STRBP: variants seen among roughly 807,000 people sequenced by gnomAD.
The protein encoded by STRBP is spermatid perinuclear RNA-binding protein.
A neutral mutation model predicts 80.1 loss-of-function variants in STRBP; 13 were observed. That is an observed-to-expected ratio of 0.16 (90% confidence interval 0.11 to 0.26). The LOEUF (loss-of-function observed/expected upper bound fraction) is 0.26. Among genes scored for constraint, STRBP ranks in the 10% least tolerant of loss-of-function variants. STRBP has a pLI of 1.00. For synonymous variants in STRBP, 284 were observed against 291.2 expected (o/e 0.98, Z 0.25); for missense variants, 485 against 815.2 (o/e 0.59, Z 4.93).
chr9:123,219,986 T>A (rs2040018018), intron 2 of STRBP, among the ~76,000 whole-genome samples: 1 of 152,080 alleles, frequency 6.6e-6, no homozygotes, highest in African/African-American at 2.4e-5. Flanking sequence ...TGCAAACAAA[T>A]GAACTTTCTG....
At chr9:123,215,767 A>G (rs2039876194) in intron 2 of STRBP, among the ~76,000 whole-genome samples, 1 of 152,214 alleles carries the variant, frequency 6.6e-6, no homozygotes, top group African/African-American at 2.4e-5. Flanking sequence ...CTGGGAGACA[A>G]GAGCGAAACT....
chr9:123,244,519 C>T (rs2040760752), intron 1 of STRBP, among the ~76,000 whole-genome samples: 1 of 152,082 alleles, frequency 6.6e-6, no homozygotes, highest in Admixed American at 6.6e-5. Flanking sequence ...ACCATGGTAA[C>T]AGATGTTAAT....
chr9:123,145,224 T>C (rs112303743), intron 13 of STRBP, among the ~76,000 whole-genome samples: 147 of 152,212 alleles, frequency 9.7e-4, no homozygotes, highest in African/African-American at 3.4e-3. Context: ...GAGCTTAACT[T>C]AATCCCAAGC....
In STRBP at chr9:123,124,573, T is replaced by C; in HGVS notation, c.*1024A>G. 2.0e-6 allele frequency: 2 copies of C among 985,402 alleles called. No individual in the cohort carries two copies. Among genetic ancestry groups the C allele is most frequent in the Non-Finnish European group, 2.4e-6 (2 of 829,924 alleles). 61.0% of individuals were successfully genotyped at this position (985,402 alleles called of 1,614,324 possible). On this transcript the variant is annotated 3_prime_UTR_variant, in exon 19 of 19. Transcript: ENST00000348403. ...ATGGGGACCCTGTTGCTGCTTTAGA[T>C]TCTGATGTAATTGAAGAGGAAAGGA...
At position 123,125,451 on chromosome 9, in the gene STRBP, G is replaced by A. The variant is rs2035856932; in HGVS notation, c.*146C>T. ...GTTTTAGAGAACTAAATTTGCATTT[G>A]TTAAAATCAAAAAGTAGGAAAGATG... is the stretch of plus-strand genomic sequence containing the variant. On this transcript the variant is annotated 3_prime_UTR_variant, in exon 19 of 19. Coordinates refer to ENST00000348403, the MANE Select transcript of STRBP (RefSeq NM_018387.5). The A allele has an allele frequency of 8.1e-7, 1 of 1,241,102 alleles. No individual in the cohort carries two copies. Among genetic ancestry groups the A allele is most frequent in the Non-Finnish European group, 1.0e-6 (1 of 988,416 alleles). 76.9% of individuals were successfully genotyped at this position (1,241,102 alleles called of 1,614,324 possible).
At position 123,251,224 on chromosome 9, in the gene STRBP, C is replaced by A. The variant is rs1431371547; in HGVS notation, c.-301-14258G>T. On this transcript the variant is annotated intron_variant, in intron 1 of 18. Transcript: ENST00000348403. ...CTTTTCTTTCTTTCTTTTCTCTCTCCCTCTCTCAAAGAAGAAGAAGAAGGA... is the reference window on the plus strand; with the variant it reads ...CTTTTCTTTCTTTCTTTTCTCTCTCACTCTCTCAAAGAAGAAGAAGAAGGA... 2.0e-5 allele frequency among the ~76,000 whole-genome samples: 3 copies of A among 150,578 alleles called. No individual in the cohort carries two copies. In the South Asian group the frequency reaches 6.4e-4, roughly 32 times the overall value.
At chr9:123,232,741 G>C (rs1410330891) in intron 2 of STRBP, among the ~76,000 whole-genome samples, 1 of 152,132 alleles carries the variant, frequency 6.6e-6, no homozygotes, top group South Asian at 2.1e-4. Flanking sequence ...GAACGAAATG[G>C]GCAGAGTTAG....
chr9:123,161,857 A>G (rs1256444246), intron 6 of STRBP, among the ~76,000 whole-genome samples: 2 of 152,258 alleles, frequency 1.3e-5, no homozygotes, highest in East Asian at 1.9e-4. Context: ...ACATGACACT[A>G]AAGTCAAGTT....
Position 123,248,249 on chromosome 9 carries a change from C to A in STRBP, c.-301-11283G>T, listed in dbSNP as rs186947468. The stretch of plus-strand genomic sequence containing the variant: ...TCAAATAGCAATAACAGACTTCTCC[C>A]ACCCCTATCGTGTTTTTTTTTTTTT... On this transcript the variant is annotated intron_variant, in intron 1 of 18. Transcript: ENST00000348403. 1.5e-3 allele frequency among the ~76,000 whole-genome samples: 222 copies of A among 151,094 alleles called. 1 individual carries two copies. Among genetic ancestry groups the A allele is most frequent in the African/African-American group, 5.2e-3 (216 of 41,234 alleles).
intron 2 of STRBP, among the ~76,000 whole-genome samples, chr9:123,224,790 C>T (rs1368742682): frequency 6.6e-6 from 1 of 152,130 alleles, no homozygotes; most frequent in South Asian, 2.1e-4. Flanking sequence ...AAAAAAGATA[C>T]TTAAAACTTT....
At chr9:123,137,472 C>T (rs1013798610) in intron 14 of STRBP, among the ~76,000 whole-genome samples, 1 of 152,140 alleles carries the variant, frequency 6.6e-6, no homozygotes, top group Non-Finnish European at 1.5e-5. Flanking sequence ...TGCAGTGGTG[C>T]AATCTCGGCT....
At chr9:123,267,127 T>C (rs2041285404) in intron 1 of STRBP, among the ~76,000 whole-genome samples, 1 of 143,408 alleles carries the variant, frequency 7.0e-6, no homozygotes, top group African/African-American at 3.0e-5. Flanking sequence ...CCACCCCCTT[T>C]TGCCCTCCAC....
intron 2 of STRBP, among the ~76,000 whole-genome samples, chr9:123,207,865 AAC>A (rs2039577171): frequency 6.6e-6 from 1 of 152,374 alleles, no homozygotes; most frequent in East Asian, 1.9e-4. Flanking sequence ...ATTTGTGGTG[AAC>A]ACACAGTTGT....
rs2035753116 is a variant in STRBP at position 123,122,119 on chromosome 9, A to G, written c.*3478T>C. On this transcript the variant is annotated 3_prime_UTR_variant, in exon 19 of 19. Transcript: ENST00000348403. ...TATGACCTAAGAGATCAAATACATCATATATGATTGTCATATATGCATGTT... is the reference window on the plus strand; with the variant it reads ...TATGACCTAAGAGATCAAATACATCGTATATGATTGTCATATATGCATGTT... The G allele has an allele frequency of 5.4e-5, 14 of 261,202 alleles. No homozygotes were observed. In the South Asian group the frequency reaches 6.3e-4, roughly 12 times the overall value. 16.2% of individuals were successfully genotyped at this position (261,202 alleles called of 1,614,324 possible). A position where few individuals can be genotyped will look rare whatever the true frequency, so the allele number is the denominator to read the frequency against.
At chr9:123,189,203 G>T (rs1269398316) in intron 2 of STRBP, among the ~76,000 whole-genome samples, 1 of 148,058 alleles carries the variant, frequency 6.8e-6, no homozygotes, top group African/African-American at 2.5e-5. Flanking sequence ...GCAAACTATC[G>T]CAAGGACAGA....
At chr9:123,127,194 G>A (rs1021652214) in intron 18 of STRBP, among the ~76,000 whole-genome samples, 4 of 152,188 alleles carry the variant, frequency 2.6e-5, no homozygotes, top group Admixed American at 6.5e-5. Flanking sequence ...CCACAGTTAC[G>A]AAATCAGATG....
intron 17 of STRBP, among the ~76,000 whole-genome samples, chr9:123,131,305 G>T (rs1042506431): frequency 4.6e-5 from 7 of 152,188 alleles, no homozygotes; most frequent in Admixed American, 2.0e-4. Context: ...ACTGTGCTTA[G>T]GGTTCTAAGA....
At chr9:123,212,379 G>C (rs1374881247) in intron 2 of STRBP, among the ~76,000 whole-genome samples, 1 of 152,086 alleles carries the variant, frequency 6.6e-6, no homozygotes, top group African/African-American at 2.4e-5. Context: ...TGGATCTCTT[G>C]CCTGAATTTC....
In STRBP at chr9:123,115,439, A is replaced by T; in HGVS notation, c.*84+490T>A. 2.1e-6 allele frequency: 1 copy of T among 468,208 alleles called. No individual in the cohort carries two copies. Among genetic ancestry groups the T allele is most frequent in the Non-Finnish European group, 4.4e-6 (1 of 225,174 alleles). The allele number at this position is 468,208 out of a possible 1,614,324, so 29.0% of individuals were successfully genotyped here. ...GACCCACTGAAGCCTTTCTCCCTGC[A>T]CAGAGGAGGACTCTCATTCTGTTCA... is the stretch of plus-strand genomic sequence containing the variant. On this transcript the variant is annotated intron_variant and NMD_transcript_variant, in intron 3 of 3. Transcript: ENST00000471564. The surrounding 1 kb of genome is among the most constrained non-coding windows in gnomAD (Gnocchi z 5.0).
Sources: gnomAD v4.1 joint callset for allele counts (sites outside exome capture counted in the v4.1 genomes callset) on GRCh38, gnomAD v4.1.1 for gene constraint, Gnocchi (gnomAD v3.1) non-coding constraint, MANE v1.5 for transcripts, NCBI Gene and HGNC (gene_info 2026-07-23, HGNC 2026-07-21) for gene names.